LRRC49: variants seen among roughly 807,000 people sequenced by gnomAD.
LRRC49 encodes leucine rich repeat containing 49, also known as leucine-rich repeat-containing protein 49.
LRRC49 carries 50 observed loss-of-function variants against 83.3 expected under a neutral mutation model. That is an observed-to-expected ratio of 0.60 (90% CI 0.48 to 0.76). The LOEUF is 0.76. LRRC49 is among the 30% of genes least tolerant of loss of function. The probability of loss-of-function intolerance (pLI) is 0.00; values close to 1 mark genes in which losing one functional copy is unlikely to be tolerated. For missense variants in LRRC49, 704 were observed against 809.1 expected (o/e 0.87, Z 1.58); for synonymous variants, 286 against 283.3 (o/e 1.01, Z -0.10).
chr15:71,039,668 T>TA (rs1005150616), intron 15 of LRRC49, among the ~76,000 whole-genome samples: 10 of 152,160 alleles, frequency 6.6e-5, no homozygotes, highest in Non-Finnish European at 1.0e-4. Flanking sequence ...AGATGTGTTT[T>TA]AAAAAAATGT....
At chr15:70,914,609 T>C (rs1487182592) in intron 6 of LRRC49, among the ~76,000 whole-genome samples, 2 of 152,132 alleles carry the variant, frequency 1.3e-5, no homozygotes, top group Admixed American at 1.3e-4. Flanking sequence ...AGTAGAAACA[T>C]CAAGACTTAG....
chr15:71,025,261 T>C (rs1156682993), intron 14 of LRRC49, among the ~76,000 whole-genome samples: 1 of 151,984 alleles, frequency 6.6e-6, no homozygotes, highest in African/African-American at 2.4e-5. Flanking sequence ...TTCTCCAAGA[T>C]TGAAATGAAG....
At chr15:70,906,852 T>C (rs1567045836) in intron 5 of LRRC49, among the ~76,000 whole-genome samples, 1 of 152,256 alleles carries the variant, frequency 6.6e-6, no homozygotes, top group Non-Finnish European at 1.5e-5. Flanking sequence ...ATTTGTTATT[T>C]GTTTGGTTTT....
At chr15:71,006,341 T>C (rs1567095224) in intron 11 of LRRC49, among the ~76,000 whole-genome samples, 1 of 152,176 alleles carries the variant, frequency 6.6e-6, no homozygotes, top group South Asian at 2.1e-4. Flanking sequence ...CTTTTAAATA[T>C]ATGATGTGGA....
At position 71,049,812 on chromosome 15, in the gene LRRC49, T is replaced by A. The variant is rs1480671385; in HGVS notation, c.*200T>A. On this transcript the variant is annotated 3_prime_UTR_variant, in exon 16 of 16. Transcript: ENST00000260382. ...CAGGAGAAAGGAAGGATTAATTGCC[T>A]GTATGTGAGGACCAAACAACCTTTG... is the stretch of plus-strand genomic sequence containing the variant. 1.2e-5 allele frequency: 6 copies of A among 516,554 alleles called. No homozygotes were observed. The East Asian group carries it at 2.0e-4, about 17-fold the overall frequency. The allele number at this position is 516,554 out of a possible 1,614,324, so 32.0% of individuals were successfully genotyped here.
chr15:70,981,987 T>C (rs1221735669), intron 10 of LRRC49, among the ~76,000 whole-genome samples: 1 of 150,256 alleles, frequency 6.7e-6, no homozygotes, highest in Non-Finnish European at 1.5e-5. Context: ...AGACAGGCTA[T>C]ACTCCTGTCT....
chr15:70,897,390 A>G (rs953563789), intron 3 of LRRC49, among the ~76,000 whole-genome samples: 2 of 152,202 alleles, frequency 1.3e-5, no homozygotes, highest in Non-Finnish European at 2.9e-5. Context: ...AATTTATTCA[A>G]AATTGGTTTC....
rs2039998101 is a variant in LRRC49, at chr15:71,051,801, A to G, written c.*2189A>G. On this transcript the variant is annotated 3_prime_UTR_variant, in exon 16 of 16. Transcript: ENST00000260382. The stretch of plus-strand genomic sequence containing the variant: ...CAATGAAATGGCAGCAAGCCATCCC[A>G]GCCACTGCTGGCTCTATGCAGACCT... 6.6e-6 allele frequency: 1 copy of G among 152,266 alleles called. No homozygotes were observed. Among genetic ancestry groups the G allele is most frequent in the South Asian group, 2.1e-4 (1 of 4,830 alleles). 9.4% of individuals were successfully genotyped at this position (152,266 alleles called of 1,614,324 possible). A position where few individuals can be genotyped will look rare whatever the true frequency, so the allele number is the denominator to read the frequency against.
chr15:71,041,036 C>T (rs1286372474), intron 15 of LRRC49, among the ~76,000 whole-genome samples: 6 of 152,120 alleles, frequency 3.9e-5, no homozygotes, highest in African/African-American at 1.4e-4. Context: ...ACCACTTAGG[C>T]TTAGAAGAGG....
chr15:70,860,231 T>G, intron 1 of LRRC49: 1 of 623,294 alleles, frequency 1.6e-6, no homozygotes. Context: ...GAGGCCGCTG[T>G]GCATGGTATC....
rs747553182 is a variant in LRRC49, at chr15:70,882,827, A to C, written c.18+9604A>C. 11 of 1,614,072 alleles carry C rather than the reference A, an allele frequency of 6.8e-6. No individual in the cohort carries two copies. The East Asian group carries it at 2.2e-4, about 33-fold the overall frequency. On this transcript the variant is annotated intron_variant, in intron 2 of 16. Coordinates refer to the LRRC49 transcript ENST00000544974. The stretch of plus-strand genomic sequence containing the variant: ...CTTTTATGCACTGGGCCTTCTTCAC[A>C]GTGAGTAGGTACTGAAGTGACAGTA...
At chr15:70,933,681 T>G (rs1400331806) in intron 7 of LRRC49, among the ~76,000 whole-genome samples, 1 of 152,200 alleles carries the variant, frequency 6.6e-6, no homozygotes, top group Non-Finnish European at 1.5e-5. Context: ...GACATAGCCT[T>G]GGCTGTATCT....
intron 1 of LRRC49, among the ~76,000 whole-genome samples, chr15:70,869,396 T>G (rs1399257199): frequency 6.6e-6 from 1 of 152,150 alleles, no homozygotes; most frequent in African/African-American, 2.4e-5. Context: ...ACTGCCATAT[T>G]TAAACCAAAT....
intron 9 of LRRC49, among the ~76,000 whole-genome samples, chr15:70,964,457 C>A (rs765144399): frequency 6.6e-6 from 1 of 152,050 alleles, no homozygotes; most frequent in East Asian, 1.9e-4. Flanking sequence ...CTTTAGACTG[C>A]GAGGCTCCTA....
chr15:70,961,659 A>G (rs951738757), intron 8 of LRRC49, among the ~76,000 whole-genome samples: 3 of 152,236 alleles, frequency 2.0e-5, no homozygotes, highest in African/African-American at 7.2e-5. Context: ...AAGGCTACAT[A>G]TTACATGATT....
intron 2 of LRRC49, among the ~76,000 whole-genome samples, chr15:70,886,233 G>C (rs2141087898): frequency 6.6e-6 from 1 of 152,148 alleles, no homozygotes. Context: ...AATTAATTGG[G>C]CTTAATTTAG....
chr15:70,887,918 T>C (rs1450880220), upstream of LRRC49, among the ~76,000 whole-genome samples: 2 of 152,194 alleles, frequency 1.3e-5, no homozygotes, highest in Non-Finnish European at 2.9e-5. Flanking sequence ...TATGCACTTA[T>C]AGATTATAAA....
chr15:71,043,144 C>A (rs1340615218), intron 15 of LRRC49, among the ~76,000 whole-genome samples: 2 of 152,170 alleles, frequency 1.3e-5, no homozygotes, highest in African/African-American at 4.8e-5. Context: ...AGAGTTTTCT[C>A]TATGGAAGTA....
At chr15:70,926,713 C>G (rs2035215721) in intron 7 of LRRC49, among the ~76,000 whole-genome samples, 1 of 151,996 alleles carries the variant, frequency 6.6e-6, no homozygotes, top group Non-Finnish European at 1.5e-5. Context: ...GTTCCCCTTC[C>G]TGTGTCCATG....
Sources: gnomAD v4.1 joint callset for allele counts (sites outside exome capture counted in the v4.1 genomes callset) on GRCh38, gnomAD v4.1.1 for gene constraint, MANE v1.5 for transcripts, NCBI Gene and HGNC (gene_info 2026-07-23, HGNC 2026-07-21) for gene names.